Variants in HHAT observed in about 807,000 individuals in gnomAD.
The protein encoded by HHAT is protein-cysteine N-palmitoyltransferase HHAT.
Under a neutral mutation model 70.8 loss-of-function variants are expected in HHAT, and 47 were observed. The ratio of observed to expected loss-of-function variants is 0.66; its 90% CI spans 0.53 to 0.85. The LOEUF (loss-of-function observed/expected upper bound fraction) is 0.85. Ranked by LOEUF, HHAT falls within the 40% of genes least tolerant of loss-of-function variation. HHAT has a pLI of 0.00. For missense variants in HHAT, 609 were observed against 604.8 expected (o/e 1.01, Z -0.07); for synonymous variants, 228 against 247.6 (o/e 0.92, Z 0.74).
At chr1:210,378,315 TTA>T (rs773295948) in intron 3 of HHAT, among the ~76,000 whole-genome samples, 3 of 152,178 alleles carry the variant, frequency 2.0e-5, no homozygotes, top group Non-Finnish European at 2.9e-5. Context: ...TAATTAGAAA[TTA>T]TATATGGTCT....
At position 210,609,902 on chromosome 1, in the gene HHAT, C is replaced by G. The variant is rs193235385; in HGVS notation, c.1246-13624C>G. ...GTATATATACCACATTTTTCTTTGT[C>G]CAATCTATCATTGATGGGCGTTTAG... On this transcript the variant is annotated intron_variant, in intron 10 of 11. Coordinates refer to ENST00000261458, the MANE Select transcript of HHAT (RefSeq NM_018194.6). Among the ~76,000 whole-genome samples, 141 of 152,220 alleles carry G rather than the reference C, an allele frequency of 9.3e-4. 1 individual carries two copies. The highest frequency in any genetic ancestry group is 3.3e-3 in the African/African-American group (138 of 41,542).
chr1:210,384,902 G>T (rs2090923897), intron 3 of HHAT, among the ~76,000 whole-genome samples: 1 of 152,050 alleles, frequency 6.6e-6, no homozygotes, highest in Non-Finnish European at 1.5e-5. Context: ...CTATTCATTG[G>T]CCCAGCTTTT....
chr1:210,381,853 G>A (rs2090664011), intron 3 of HHAT, among the ~76,000 whole-genome samples: 1 of 152,112 alleles, frequency 6.6e-6, no homozygotes, highest in Non-Finnish European at 1.5e-5. Flanking sequence ...GTGGCTACAG[G>A]GTGAATTTCT....
chr1:210,572,887 C>T (rs569744250), intron 9 of HHAT, among the ~76,000 whole-genome samples: 1 of 152,212 alleles, frequency 6.6e-6, no homozygotes, highest in South Asian at 2.1e-4. Context: ...CAGAGTGAGA[C>T]CCCCCACTCA....
At chr1:210,593,676 C>T (rs892342168) in intron 10 of HHAT, among the ~76,000 whole-genome samples, 5 of 152,082 alleles carry the variant, frequency 3.3e-5, no homozygotes, top group African/African-American at 1.2e-4. Flanking sequence ...CTGTAAATGT[C>T]GATTAGGTCC....
intron 9 of HHAT, among the ~76,000 whole-genome samples, chr1:210,541,655 AG>A (rs1254739278): frequency 2.0e-5 from 3 of 152,188 alleles, no homozygotes; most frequent in Non-Finnish European, 4.4e-5. Flanking sequence ...TGAACCCGGG[AG>A]GCGGAGGTTG....
At chr1:210,356,682 ATTAG>A (rs978937782) in intron 2 of HHAT, among the ~76,000 whole-genome samples, 1 of 152,240 alleles carries the variant, frequency 6.6e-6, no homozygotes, top group Admixed American at 6.5e-5. Context: ...TCATTTATAG[ATTAG>A]TTCTTTCTTT....
At chr1:210,515,484 A>G (rs1572965615) in intron 9 of HHAT, among the ~76,000 whole-genome samples, 1 of 152,062 alleles carries the variant, frequency 6.6e-6, no homozygotes, top group East Asian at 1.9e-4. Flanking sequence ...CAGGCCAGGC[A>G]CGGTGGCTCA....
intron 8 of HHAT, among the ~76,000 whole-genome samples, chr1:210,505,397 C>T (rs191791995): frequency 6.6e-6 from 1 of 152,146 alleles, no homozygotes; most frequent in Non-Finnish European, 1.5e-5. Context: ...GAACAAAAAG[C>T]TGGGGTCTAG....
chr1:210,595,979 C>T (rs527709463), intron 10 of HHAT, among the ~76,000 whole-genome samples: 3 of 152,154 alleles, frequency 2.0e-5, no homozygotes, highest in Non-Finnish European at 4.4e-5. Flanking sequence ...TTAATTAGAT[C>T]CCATTTGTCA....
chr1:210,614,324 T>C (rs1667215983), intron 10 of HHAT, among the ~76,000 whole-genome samples: 1 of 152,164 alleles, frequency 6.6e-6, no homozygotes, highest in Non-Finnish European at 1.5e-5. Flanking sequence ...TTTAGGGTTT[T>C]GTACATGTAA....
Position 210,654,939 on chromosome 1 carries a change from T to C in HHAT, c.1391-19349T>C, listed in dbSNP as rs537068124. ...CGGGAAGAAATTCAGATCTAAGCCA[T>C]AGGGCTGACCCTTGTAGGCACTACC... On this transcript the variant is annotated intron_variant, in intron 11 of 11. Transcript: ENST00000261458. Among the ~76,000 whole-genome samples, 4 of 152,300 alleles carry C rather than the reference T, an allele frequency of 2.6e-5. No homozygotes were observed. The East Asian group carries it at 5.8e-4, about 22-fold the overall frequency.
chr1:210,524,467 G>A (rs12121872), intron 9 of HHAT, among the ~76,000 whole-genome samples: 63,857 of 151,778 alleles, frequency 0.42, 13,823 homozygotes, highest in Middle Eastern at 0.47. Flanking sequence ...GGAAGTGCAA[G>A]CCCCCGCCCC....
At chr1:210,359,815 C>T (rs1289226223) in intron 2 of HHAT, among the ~76,000 whole-genome samples, 1 of 151,748 alleles carries the variant, frequency 6.6e-6, no homozygotes, top group Non-Finnish European at 1.5e-5. Context: ...TGTAGTGAGC[C>T]AAGATCGCAC....
At chr1:210,388,623 A>G (rs1221822376) in intron 4 of HHAT, among the ~76,000 whole-genome samples, 1 of 152,146 alleles carries the variant, frequency 6.6e-6, no homozygotes, top group Non-Finnish European at 1.5e-5. Flanking sequence ...AGATCTGAGT[A>G]TATTTTAAAA....
intron 8 of HHAT, among the ~76,000 whole-genome samples, chr1:210,487,376 A>G (rs1420572741): frequency 6.6e-6 from 1 of 152,150 alleles, no homozygotes; most frequent in Non-Finnish European, 1.5e-5. Context: ...GCCCCACAAT[A>G]CCTACTTGAG....
chr1:210,437,724 T>TC (rs1219212702), intron 7 of HHAT, among the ~76,000 whole-genome samples: 1 of 151,852 alleles, frequency 6.6e-6, no homozygotes, highest in African/African-American at 2.4e-5. Context: ...CACAAATATC[T>TC]CCCCTGGGCT....
intron 8 of HHAT, among the ~76,000 whole-genome samples, chr1:210,480,842 T>A (rs537557820): frequency 1.2e-4 from 19 of 152,302 alleles, no homozygotes; most frequent in South Asian, 8.3e-4. Flanking sequence ...TGTGGGACTT[T>A]TCCTCTAGGA....
intron 11 of HHAT, among the ~76,000 whole-genome samples, chr1:210,645,906 T>A (rs551763287): frequency 6.6e-6 from 1 of 152,120 alleles, no homozygotes; most frequent in African/African-American, 2.4e-5. Flanking sequence ...CAGGGCCCCC[T>A]TTTTTTGATC....
Sources: allele counts gnomAD v4.1 joint callset (sites outside exome capture counted in the v4.1 genomes callset), GRCh38; gene constraint gnomAD v4.1.1; transcripts MANE v1.5; gene names NCBI Gene and HGNC (gene_info 2026-07-23, HGNC 2026-07-21).